ROBO2: variants seen among roughly 807,000 people sequenced by gnomAD.
The protein encoded by ROBO2 is roundabout homolog 2.
Under a neutral mutation model 160.8 loss-of-function variants are expected in ROBO2, and 53 were observed. That is an observed-to-expected ratio of 0.33 (90% CI 0.26 to 0.41). The LOEUF is 0.41. Ranked by LOEUF, ROBO2 falls within the 10% of genes least tolerant of loss-of-function variation. The pLI is 1.00. For missense variants in ROBO2, 1,577 were observed against 1,722.4 expected (o/e 0.92, Z 1.49); for synonymous variants, 664 against 611.7 (o/e 1.09, Z -1.26).
chr3:76,390,262 T>C (rs2077084621), intron 2 of ROBO2, among the ~76,000 whole-genome samples: 1 of 152,148 alleles, frequency 6.6e-6, no homozygotes, highest in South Asian at 2.1e-4. Context: ...AATCTCACAT[T>C]GTTTTTACAA....
At chr3:76,898,613 T>C (rs2074994079) in intron 2 of ROBO2, among the ~76,000 whole-genome samples, 1 of 152,122 alleles carries the variant, frequency 6.6e-6, no homozygotes, top group Non-Finnish European at 1.5e-5. Context: ...CAATTCTCAA[T>C]TTGAAGTTCA....
chr3:76,008,736 AT>A (rs5850226), intron 2 of ROBO2, among the ~76,000 whole-genome samples: 112,104 of 151,108 alleles, frequency 0.74, 43,556 homozygotes, highest in East Asian at 0.97. Flanking sequence ...GGTAGAAGGG[AT>A]TTTTTTTTTT....
chr3:77,533,484 C>A (rs1284056446), intron 6 of ROBO2, among the ~76,000 whole-genome samples: 1 of 152,194 alleles, frequency 6.6e-6, no homozygotes, highest in Non-Finnish European at 1.5e-5. Flanking sequence ...CCAGAGGAAT[C>A]CACTTCAAAG....
At chr3:76,303,341 TTGTG>T (rs756361457) in intron 2 of ROBO2, among the ~76,000 whole-genome samples, 13 of 151,116 alleles carry the variant, frequency 8.6e-5, no homozygotes, top group African/African-American at 3.2e-4. Context: ...TAAACTTTAA[TTGTG>T]TGTGTGTGTG....
chr3:77,260,410 A>G (rs560988350), intron 2 of ROBO2, among the ~76,000 whole-genome samples: 1 of 152,254 alleles, frequency 6.6e-6, no homozygotes, highest in South Asian at 2.1e-4. Context: ...TTAAAAAAAT[A>G]GTTTATTTTT....
At chr3:76,657,939 G>A (rs902069386) in intron 2 of ROBO2, among the ~76,000 whole-genome samples, 5 of 148,882 alleles carry the variant, frequency 3.4e-5, no homozygotes, top group South Asian at 2.1e-4. Flanking sequence ...ATGGTGGCAC[G>A]CACCTCAGTC....
chr3:77,478,359 G>A (rs2084291652), intron 3 of ROBO2, among the ~76,000 whole-genome samples: 2 of 152,056 alleles, frequency 1.3e-5, no homozygotes, highest in Non-Finnish European at 2.9e-5. Flanking sequence ...TGATTTAAAA[G>A]GAAATTGAAT....
chr3:77,525,509 C>A (rs1424640587), intron 6 of ROBO2, among the ~76,000 whole-genome samples: 2 of 150,542 alleles, frequency 1.3e-5, no homozygotes, highest in Non-Finnish European at 3.0e-5. Flanking sequence ...AGAAATAAAG[C>A]CAGTCAACAA....
At chr3:77,196,751 A>G (rs2150982711) in intron 2 of ROBO2, among the ~76,000 whole-genome samples, 1 of 152,172 alleles carries the variant, frequency 6.6e-6, no homozygotes, top group Admixed American at 6.5e-5. Context: ...GTGGAGTTGC[A>G]AACTTGTTTG....
chr3:76,251,554 T>C (rs1706001138), intron 2 of ROBO2, among the ~76,000 whole-genome samples: 1 of 152,124 alleles, frequency 6.6e-6, no homozygotes, highest in Non-Finnish European at 1.5e-5. Flanking sequence ...TAGCAAAGTG[T>C]CATATTTTTC....
intron 2 of ROBO2, among the ~76,000 whole-genome samples, chr3:77,187,192 T>C (rs1255946308): frequency 1.3e-5 from 2 of 152,032 alleles, no homozygotes. Context: ...GTGGATAGGT[T>C]AGAAGAATAT....
chr3:77,189,962 T>C (rs954540936), intron 2 of ROBO2, among the ~76,000 whole-genome samples: 7 of 151,960 alleles, frequency 4.6e-5, no homozygotes, highest in Non-Finnish European at 1.0e-4. Flanking sequence ...TTGAATTTTC[T>C]GATACTAAAT....
At chr3:77,436,279 G>C (rs756551142) in intron 2 of ROBO2, among the ~76,000 whole-genome samples, 2 of 151,478 alleles carry the variant, frequency 1.3e-5, no homozygotes, top group Admixed American at 1.3e-4. Context: ...TTTCCTCCCT[G>C]TCGAATAAAA....
intron 2 of ROBO2, among the ~76,000 whole-genome samples, chr3:76,745,323 T>C (rs2093867975): frequency 6.6e-6 from 1 of 152,166 alleles, no homozygotes; most frequent in Admixed American, 6.6e-5. Context: ...CTAATTTTAC[T>C]CCAGGTTCTT....
intron 13 of ROBO2, among the ~76,000 whole-genome samples, chr3:77,574,024 C>A (rs934108432): frequency 6.6e-6 from 1 of 151,806 alleles, no homozygotes; most frequent in Non-Finnish European, 1.5e-5. Flanking sequence ...AGTAGGAACC[C>A]AAAACATGTG....
chr3:77,085,996 C>CA (rs1415198919), intron 1 of ROBO2, among the ~76,000 whole-genome samples: 2 of 151,644 alleles, frequency 1.3e-5, no homozygotes, highest in Admixed American at 6.6e-5. Context: ...GAAAAGCAAC[C>CA]AAAAAAATAA....
intron 2 of ROBO2, among the ~76,000 whole-genome samples, chr3:76,342,592 C>T (rs961139522): frequency 1.3e-5 from 2 of 152,086 alleles, no homozygotes; most frequent in Non-Finnish European, 2.9e-5. Context: ...TACACTATCT[C>T]TATCTTCCAA....
chr3:76,682,952 G>A (rs1193406690), intron 2 of ROBO2, among the ~76,000 whole-genome samples: 3 of 152,036 alleles, frequency 2.0e-5, no homozygotes, highest in South Asian at 4.1e-4. Context: ...TTTGAGAACC[G>A]TTAGTACAAA....
intron 1 of ROBO2, among the ~76,000 whole-genome samples, chr3:75,921,589 T>A (rs147598054): frequency 2.0e-3 from 305 of 152,272 alleles, no homozygotes; most frequent in African/African-American, 7.0e-3. Flanking sequence ...AAATATACTA[T>A]AATGTTTGTA....
Sources: allele counts gnomAD v4.1 joint callset (sites outside exome capture counted in the v4.1 genomes callset), GRCh38; gene constraint gnomAD v4.1.1; transcripts MANE v1.5; gene names NCBI Gene and HGNC (gene_info 2026-07-23, HGNC 2026-07-21).